GBA2: variants seen among roughly 807,000 people sequenced by gnomAD.
The protein encoded by GBA2 is glucosylceramidase beta 2.
In GBA2, 79 loss-of-function variants were observed where a neutral mutation model predicts 112.9. That is an observed-to-expected ratio of 0.70 (90% CI 0.58 to 0.84). The LOEUF (loss-of-function observed/expected upper bound fraction) is 0.84. Among genes scored for constraint, GBA2 ranks in the 40% least tolerant of loss-of-function variants. The pLI is 0.00. For missense variants in GBA2, 1,043 were observed against 1,190.0 expected (o/e 0.88, Z 1.82); for synonymous variants, 403 against 434.3 (o/e 0.93, Z 0.90).
At chr9:35,742,424 G>A (rs1290109972) in intron 3 of GBA2, among the ~76,000 whole-genome samples, 4 of 152,138 alleles carry the variant, frequency 2.6e-5, no homozygotes, top group Non-Finnish European at 5.9e-5. Flanking sequence ...TTCGCTATCT[G>A]GTGAAACCTC....
At position 35,737,744 on chromosome 9, in the gene GBA2, T is replaced by A; in HGVS notation, c.2505+4A>T. Reference sequence around the variant, plus strand: ...GTGGAGAGATGGGAAAAGGAGTGCATTACCTCTTGGATCATGGTAGCTGCC... The same window carrying A: ...GTGGAGAGATGGGAAAAGGAGTGCAATACCTCTTGGATCATGGTAGCTGCC... On this transcript the variant is annotated splice_donor_region_variant and intron_variant, in intron 16 of 16. Transcript: ENST00000378103. This position sits in a 1 kb window ranked among gnomAD's most constrained non-coding sequence, Gnocchi z 4.1. 6.2e-7 allele frequency: 1 copy of A among 1,613,434 alleles called. No homozygotes were observed. Among genetic ancestry groups the A allele is most frequent in the Non-Finnish European group, 8.5e-7 (1 of 1,179,484 alleles).
Position 35,737,107 on chromosome 9 carries a change from A to G in GBA2, c.*62T>C, listed in dbSNP as rs1826250943. The G allele has an allele frequency of 6.4e-7, 1 of 1,556,504 alleles. No individual in the cohort carries two copies. The highest frequency in any genetic ancestry group is 1.2e-5 in the South Asian group (1 of 83,404). ...CAGGGTTGCAGGAGGTTCAGAGGGG[A>G]AGGAGGAAAGGCCAGGCTGGAGGCT... On this transcript the variant is annotated 3_prime_UTR_variant, in exon 17 of 17. Transcript: ENST00000378103. The surrounding 1 kb of genome is among the most constrained non-coding windows in gnomAD (Gnocchi z 4.1).
rs1246795121 is a variant in GBA2, at chr9:35,737,469, A to C, written c.2506-22T>G. The C allele has an allele frequency of 6.2e-7, 1 of 1,610,088 alleles. No individual in the cohort carries two copies. Among genetic ancestry groups the C allele is most frequent in the Admixed American group, 1.7e-5 (1 of 59,356 alleles). On this transcript the variant is annotated intron_variant, in intron 16 of 16. Transcript: ENST00000378103. The surrounding 1 kb of genome is among the most constrained non-coding windows in gnomAD (Gnocchi z 4.1). ...GGCCCTGTTGGGAGAGATGACAGTC[A>C]TACATACTAACTTGGCACCCTCTGA...
In GBA2 at chr9:35,744,270, C is replaced by T. The variant is rs753054795; in HGVS notation, c.567+27G>A. On this transcript the variant is annotated intron_variant, in intron 3 of 16. Coordinates refer to ENST00000378103, the MANE Select transcript of GBA2 (RefSeq NM_020944.3). ...CTTCTTGGCCTGGGGAGGTATTGTC[C>T]TGGCCTCTCCACCTCCTGGCTCTTA... is the stretch of plus-strand genomic sequence containing the variant. 3 of 1,310,018 alleles carry T rather than the reference C, an allele frequency of 2.3e-6. No individual in the cohort carries two copies. In the Admixed American group the frequency reaches 5.1e-5, roughly 22 times the overall value. The allele number at this position is 1,310,018 out of a possible 1,614,324, so 81.1% of individuals were successfully genotyped here.
At position 35,739,116 on chromosome 9, in the gene GBA2, G is replaced by T; in HGVS notation, c.1688-7C>A. 6.7e-7 allele frequency: 1 copy of T among 1,491,848 alleles called. No individual in the cohort carries two copies. The highest frequency in any genetic ancestry group is 9.0e-7 in the Non-Finnish European group (1 of 1,109,082). 92.4% of individuals were successfully genotyped at this position (1,491,848 alleles called of 1,614,324 possible). A position where few individuals can be genotyped will look rare whatever the true frequency, so the allele number is the denominator to read the frequency against. On this transcript the variant is annotated splice_region_variant and splice_polypyrimidine_tract_variant and intron_variant, in intron 10 of 16. Coordinates refer to ENST00000378103, the MANE Select transcript of GBA2 (RefSeq NM_020944.3). ...TCCCTGAGAGTGGCCAGAGCTGGGG[G>T]AGAGACACAGAAGGGAGGCAGGGAA...
In GBA2 at chr9:35,738,999, T is replaced by A; in HGVS notation, c.1795+3A>T. On this transcript the variant is annotated splice_donor_region_variant and intron_variant, in intron 11 of 16. Transcript: ENST00000378103. ...GGAAGCTGACCTTGGGGTGGACTTT[T>A]ACCTGGGTCCCCAATATCATGGGGG... 6.2e-7 allele frequency: 1 copy of A among 1,611,058 alleles called. No homozygotes were observed. The highest frequency in any genetic ancestry group is 8.5e-7 in the Non-Finnish European group (1 of 1,177,406).
In GBA2 at chr9:35,739,122, C is replaced by T. The variant is rs779358452; in HGVS notation, c.1688-13G>A. ...AGAGTGGCCAGAGCTGGGGGAGAGACACAGAAGGGAGGCAGGGAATGGGCA... is the reference window on the plus strand; with the variant it reads ...AGAGTGGCCAGAGCTGGGGGAGAGATACAGAAGGGAGGCAGGGAATGGGCA... On this transcript the variant is annotated splice_polypyrimidine_tract_variant and intron_variant, in intron 10 of 16. Coordinates refer to ENST00000378103, the MANE Select transcript of GBA2 (RefSeq NM_020944.3). 1.9e-6 allele frequency: 3 copies of T among 1,548,186 alleles called. No homozygotes were observed. Among genetic ancestry groups the T allele is most frequent in the Non-Finnish European group, 2.7e-6 (3 of 1,124,756 alleles).
rs1475790708 is a variant in GBA2 at position 35,741,802 on chromosome 9, C to T, written c.656G>A (p.Trp219Ter). ...ERPSVLRSWNWGLCGYFAFYH... is the reference protein window; with the variant it reads ...ERPSVLRSWN ...GAAAGCAAAGTACCCACACAGGCCC[C>T]AGTTCCAGCTGCGGAGGACACTTGG... The change falls in exon 4 of 17, where the codon TGG becomes TAG. Residue 219 changes from tryptophan to a stop codon, truncating the protein, a stop_gained. Coordinates refer to ENST00000378103, the MANE Select transcript of GBA2 (RefSeq NM_020944.3). LOFTEE classifies it high-confidence loss of function. The surrounding 1 kb of genome is among the most constrained non-coding windows in gnomAD (Gnocchi z 4.6). 6.2e-7 allele frequency: 1 copy of T among 1,613,584 alleles called. No individual in the cohort carries two copies. Among genetic ancestry groups the T allele is most frequent in the Non-Finnish European group, 8.5e-7 (1 of 1,179,504 alleles).
Position 35,741,450 on chromosome 9 carries a change from A to G in GBA2, c.786+222T>C, listed in dbSNP as rs1826676636. The G allele has an allele frequency of 8.9e-6, 5 of 560,848 alleles. No homozygotes were observed. Among genetic ancestry groups the G allele is most frequent in the Middle Eastern group, 4.8e-4 (1 of 2,080 alleles). 34.7% of individuals were successfully genotyped at this position (560,848 alleles called of 1,614,324 possible). A position where few individuals can be genotyped will look rare whatever the true frequency, so the allele number is the denominator to read the frequency against. On this transcript the variant is annotated intron_variant, in intron 4 of 16. Transcript: ENST00000378103. The surrounding 1 kb of genome is among the most constrained non-coding windows in gnomAD (Gnocchi z 4.6). ...GCTGGGACTACAGGTGCCTGCCACA[A>G]CGCCCAGCTAATTTTTTTTTTTGTA...
Position 35,737,971 on chromosome 9 carries a change from T to C in GBA2, c.2314-32A>G, listed in dbSNP as rs764122231. On this transcript the variant is annotated intron_variant, in intron 15 of 16. Transcript: ENST00000378103. This position sits in a 1 kb window ranked among gnomAD's most constrained non-coding sequence, Gnocchi z 4.1. Reference sequence around the variant, plus strand: ...GGGCAAGGGCAGGAACATGGTCTCATATACTTACTTCCCACCTCCAGGGAA... The same window carrying C: ...GGGCAAGGGCAGGAACATGGTCTCACATACTTACTTCCCACCTCCAGGGAA... 2.5e-6 allele frequency: 4 copies of C among 1,602,618 alleles called. 1 individual carries two copies. The South Asian group carries it at 3.3e-5, about 13-fold the overall frequency.
In GBA2 at chr9:35,748,622, A is replaced by G. The variant is rs1362015169; in HGVS notation, c.83T>C (p.Val28Ala). The part of the protein sequence containing the change: ...QISCAKEDPQ[V>A]YCPEETGGTK... Reference sequence around the variant, plus strand: ...GCCGCCAGTCTCTTCAGGGCAATAAACTTGTGGATCCTCTTTGGCACAGCT... The same window carrying G: ...GCCGCCAGTCTCTTCAGGGCAATAAGCTTGTGGATCCTCTTTGGCACAGCT... Residue 28 changes from valine (V) to alanine (A), a missense_variant, in exon 1 of 17, where the codon GTT becomes GCT. Coordinates refer to ENST00000378103, the MANE Select transcript of GBA2 (RefSeq NM_020944.3). The G allele has an allele frequency of 1.2e-6, 2 of 1,613,254 alleles. No individual in the cohort carries two copies. Among genetic ancestry groups the G allele is most frequent in the African/African-American group, 1.3e-5 (1 of 74,826 alleles).
At chr9:35,748,256 C>A in intron 1 of GBA2, 90 bp downstream of exon 1, 1 of 810,128 alleles carries the variant, frequency 1.2e-6, no homozygotes, top group East Asian at 2.4e-5. Flanking sequence ...AGAAGCCCAA[C>A]TGCTTTCTTG....
At chr9:35,739,140 A>G (rs1826468018) in intron 10 of GBA2, 31 bp from the exon 11 acceptor site, 7 of 1,431,800 alleles carry the variant, frequency 4.9e-6, no homozygotes, top group African/African-American at 1.4e-5. Context: ...GGAGGCAGGG[A>G]ATGGGCATGC....
intron 3 of GBA2, among the ~76,000 whole-genome samples, chr9:35,744,024 C>G (rs1826841605): frequency 6.6e-6 from 1 of 152,090 alleles, no homozygotes; most frequent in South Asian, 2.1e-4. Context: ...TGGGGGCTGC[C>G]TCAGCTAGTT....
At chr9:35,748,179 C>A (rs946787147) in intron 1 of GBA2, among the ~76,000 whole-genome samples, 167 bp downstream of exon 1, 2 of 152,194 alleles carry the variant, frequency 1.3e-5, no homozygotes, top group Admixed American at 1.3e-4. Context: ...AGAGATGTGA[C>A]CTGGTCTCAC....
In GBA2 at chr9:35,739,694, GCTC is replaced by G; in HGVS notation, c.1513_1515del (p.Glu505del). Reference sequence around the variant, plus strand: ...CGGAGGTGACACATGTTTCTGCCCAGCTCCTCTGGTAGGGAGTCCTCAAGAACT... The same window carrying G: ...CGGAGGTGACACATGTTTCTGCCCAGCTCTGGTAGGGAGTCCTCAAGAACT... On this transcript the variant is annotated inframe_deletion, in exon 9 of 17. Transcript: ENST00000378103. The G allele has an allele frequency of 6.2e-7, 1 of 1,614,054 alleles. No individual in the cohort carries two copies. The highest frequency in any genetic ancestry group is 8.5e-7 in the Non-Finnish European group (1 of 1,179,912).
intron 12 of GBA2, 25 bp downstream of exon 12, chr9:35,738,727 T>G (rs1563957759): frequency 6.2e-7 from 1 of 1,612,406 alleles, no homozygotes; most frequent in Non-Finnish European, 8.5e-7. Flanking sequence ...CCTGGCACAC[T>G]GGCCACTGCA....
intron 3 of GBA2, chr9:35,742,160 C>A (rs933620143): frequency 9.6e-6 from 5 of 520,258 alleles, no homozygotes; most frequent in Non-Finnish European, 1.4e-5. Context: ...CCCTTTTCAT[C>A]TGGGTAGCAG....
chr9:35,748,426 C>A lies in GBA2; in HGVS notation c.279G>T (p.Glu93Asp). 2 of 1,614,188 alleles carry A rather than the reference C, an allele frequency of 1.2e-6. No homozygotes were observed. Among genetic ancestry groups the A allele is most frequent in the Non-Finnish European group, 1.7e-6 (2 of 1,180,018 alleles). Residue 93 changes from glutamate (E) to aspartate (D), a missense_variant, in exon 1 of 17, where the codon GAG becomes GAT. Transcript: ENST00000378103. ...GAAAGGGTTTCCTCTTCTCTGTAAA[C>A]TCATGAGCCAGACAGATGCGCCAGC... ...PFGWRICLAH[E>D]FTEKRKPFQA...
Sources: allele counts gnomAD v4.1 joint callset (sites outside exome capture counted in the v4.1 genomes callset), GRCh38; gene constraint gnomAD v4.1.1; non-coding constraint Gnocchi (gnomAD v3.1); transcripts MANE v1.5; gene names NCBI Gene and HGNC (gene_info 2026-07-23, HGNC 2026-07-21).